Variants in BICDL1 observed in about 807,000 individuals in gnomAD.
The protein encoded by BICDL1 is BICD family-like cargo adapter 1.
In BICDL1, 20 loss-of-function variants were observed where a neutral mutation model predicts 76.8. That is an observed-to-expected ratio of 0.26 (90% confidence interval 0.18 to 0.38). BICDL1 has a LOEUF of 0.38. Ranked by LOEUF, BICDL1 falls within the 10% of genes least tolerant of loss-of-function variation. The probability of loss-of-function intolerance (pLI) is 1.00; values close to 1 mark genes in which losing one functional copy is unlikely to be tolerated. For missense variants in BICDL1, 700 were observed against 798.6 expected (o/e 0.88, Z 1.49); for synonymous variants, 383 against 337.1 (o/e 1.14, Z -1.49).
At chr12:120,090,138 T>C in intron 9 of BICDL1, 67 bp downstream of exon 9, 1 of 1,579,942 alleles carries the variant, frequency 6.3e-7, no homozygotes. Flanking sequence ...CCAGGCAGAG[T>C]GTAAGGAGAG....
At chr12:120,052,089 C>T (rs1464075388) in intron 2 of BICDL1, among the ~76,000 whole-genome samples, 5 of 152,120 alleles carry the variant, frequency 3.3e-5, no homozygotes, top group South Asian at 2.1e-4. Context: ...TACAGTTGCC[C>T]GCCACCACAC....
At chr12:120,041,802 C>A (rs1041338630) in intron 2 of BICDL1, among the ~76,000 whole-genome samples, 2 of 152,012 alleles carry the variant, frequency 1.3e-5, no homozygotes, top group African/African-American at 4.8e-5. Context: ...GGTCTGAGGG[C>A]AGCAAGTAGG....
At chr12:120,058,542 C>T (rs890643731) in intron 2 of BICDL1, among the ~76,000 whole-genome samples, 3 of 151,710 alleles carry the variant, frequency 2.0e-5, no homozygotes, top group African/African-American at 7.3e-5. Context: ...CAAACTGCAG[C>T]ATGTGATTTC....
Position 120,064,884 on chromosome 12 carries a change from TG to T in BICDL1, c.909+9del, listed in dbSNP as rs768563001. The T allele has an allele frequency of 5.6e-6, 9 of 1,601,082 alleles. No individual in the cohort carries two copies. The African/African-American group carries it at 1.2e-4, about 22-fold the overall frequency. ...GGCCATGACAAGGACCTACAGGTAC[TG>T]GGGTAGAGAAGCTGTCCTGCAGGAC... is the stretch of plus-strand genomic sequence containing the variant. On this transcript the variant is annotated splice_donor_region_variant and intron_variant, in intron 4 of 9. Transcript: ENST00000548673.
intron 2 of BICDL1, among the ~76,000 whole-genome samples, chr12:120,041,596 A>G (rs144666716): frequency 6.6e-6 from 1 of 152,270 alleles, no homozygotes; most frequent in African/African-American, 2.4e-5. Context: ...CTACAGAGAA[A>G]AATTAAACAG....
intron 2 of BICDL1, among the ~76,000 whole-genome samples, chr12:120,051,516 A>G (rs539480693): frequency 1.3e-5 from 2 of 151,964 alleles, no homozygotes; most frequent in East Asian, 3.9e-4. Context: ...TTTTACTATA[A>G]TATTATTTTT....
chr12:120,073,183 T>C (rs1873246722), intron 6 of BICDL1, among the ~76,000 whole-genome samples: 1 of 152,176 alleles, frequency 6.6e-6, no homozygotes, highest in South Asian at 2.1e-4. Flanking sequence ...CGTGAGCCCT[T>C]ATTTGAGAAC....
chr12:119,998,283 A>T (rs1951692519), intron 1 of BICDL1, among the ~76,000 whole-genome samples: 2 of 152,318 alleles, frequency 1.3e-5, no homozygotes, highest in East Asian at 3.9e-4. Context: ...ATAAGAATAA[A>T]CATAATAACT....
intron 2 of BICDL1, among the ~76,000 whole-genome samples, chr12:120,007,913 C>T (rs886234133): frequency 6.6e-6 from 1 of 152,146 alleles, no homozygotes; most frequent in African/African-American, 2.4e-5. Context: ...GTTTTAATTG[C>T]TGAATGGGCT....
Position 120,071,607 on chromosome 12 carries a change from C to T in BICDL1, c.910-15C>T. The stretch of plus-strand genomic sequence containing the variant: ...GTGTTTGGTAAACCTCAACCATTTG[C>T]TCTTTCTTTGAAAGCTGCACCAAAG... On this transcript the variant is annotated splice_polypyrimidine_tract_variant and intron_variant, in intron 4 of 9. Transcript: ENST00000548673. This position sits in a 1 kb window ranked among gnomAD's most constrained non-coding sequence, Gnocchi z 4.8. 2 of 1,594,660 alleles carry T rather than the reference C, an allele frequency of 1.3e-6. No homozygotes were observed. The highest frequency in any genetic ancestry group is 1.7e-6 in the Non-Finnish European group (2 of 1,170,120).
intron 2 of BICDL1, among the ~76,000 whole-genome samples, chr12:120,023,274 C>T (rs1362178186): frequency 1.3e-5 from 2 of 152,156 alleles, no homozygotes; most frequent in Non-Finnish European, 2.9e-5. Context: ...TGTGTTGGAC[C>T]ACTTTCAAAG....
intron 2 of BICDL1, among the ~76,000 whole-genome samples, chr12:120,014,036 T>G (rs1952011756): frequency 6.6e-6 from 1 of 152,256 alleles, no homozygotes; most frequent in South Asian, 2.1e-4. Context: ...GTGACTCATC[T>G]AAGGTCACAG....
chr12:120,080,832 G>C, intron 7 of BICDL1, 55 bp from the exon 8 acceptor site: 1 of 1,591,534 alleles, frequency 6.3e-7, no homozygotes, highest in Non-Finnish European at 8.6e-7. Flanking sequence ...TTTCCCTCTT[G>C]GAGGGAAAAC....
rs961222836 is a variant in BICDL1 at position 120,079,790 on chromosome 12, G to A, written c.1453-1097G>A. The stretch of plus-strand genomic sequence containing the variant: ...AAACAAGAAAGGGCCATGGGAAAAG[G>A]GACAACAAACAAACTGCCGCCCTTG... On this transcript the variant is annotated intron_variant, in intron 7 of 9. Coordinates refer to ENST00000548673, the MANE Select transcript of BICDL1 (RefSeq NM_001367886.1). The surrounding 1 kb of genome is among the most constrained non-coding windows in gnomAD (Gnocchi z 4.3). Among the ~76,000 whole-genome samples, 7 of 152,196 alleles carry A rather than the reference G, an allele frequency of 4.6e-5. No homozygotes were observed. Among genetic ancestry groups the A allele is most frequent in the Non-Finnish European group, 7.3e-5 (5 of 68,030 alleles).
At chr12:119,992,435 A>G (rs961232144) in intron 1 of BICDL1, 2 of 152,244 alleles carry the variant, frequency 1.3e-5, no homozygotes, top group African/African-American at 2.4e-5. Flanking sequence ...ATCTCACTCT[A>G]TCCCCCAGGC....
At chr12:120,069,233 G>A (rs1304146755) in intron 4 of BICDL1, among the ~76,000 whole-genome samples, 3 of 152,164 alleles carry the variant, frequency 2.0e-5, no homozygotes, top group Admixed American at 2.0e-4. Context: ...TATTGAAAAG[G>A]AATGTCTCCA....
chr12:120,034,020 C>G (rs756915811), intron 2 of BICDL1, among the ~76,000 whole-genome samples: 2 of 152,164 alleles, frequency 1.3e-5, no homozygotes, highest in Non-Finnish European at 2.9e-5. Flanking sequence ...TATTTCAACA[C>G]AGCCAGATAC....
intron 2 of BICDL1, among the ~76,000 whole-genome samples, chr12:120,010,766 TGA>T (rs1951937777): frequency 4.6e-5 from 7 of 152,102 alleles, no homozygotes; most frequent in Admixed American, 4.6e-4. Context: ...TAAAGAAAAA[TGA>T]TGTGCAGTCA....
chr12:120,049,543 G>A (rs905092379), intron 2 of BICDL1, among the ~76,000 whole-genome samples: 1 of 152,124 alleles, frequency 6.6e-6, no homozygotes, highest in South Asian at 2.1e-4. Context: ...GCGCTCTGCA[G>A]TTTCTTTATG....
Sources: allele counts gnomAD v4.1 joint callset (sites outside exome capture counted in the v4.1 genomes callset), GRCh38; gene constraint gnomAD v4.1.1; non-coding constraint Gnocchi (gnomAD v3.1); transcripts MANE v1.5; gene names NCBI Gene and HGNC (gene_info 2026-07-23, HGNC 2026-07-21).